Variants in CCAR2 observed in about 807,000 individuals in gnomAD.
CCAR2 encodes the protein cell cycle and apoptosis regulator 2.
In CCAR2, 21 loss-of-function variants were observed where a neutral mutation model predicts 108.1. The observed-to-expected ratio is 0.19, with a 90% CI of 0.14 to 0.28. The LOEUF (loss-of-function observed/expected upper bound fraction) is 0.28. Ranked by LOEUF, CCAR2 falls within the 10% of genes least tolerant of loss-of-function variation. The pLI, the probability that CCAR2 is intolerant of heterozygous loss-of-function variation, is 1.00. For missense variants in CCAR2, 1,126 were observed against 1,177.0 expected (o/e 0.96, Z 0.63); for synonymous variants, 577 against 472.8 (o/e 1.22, Z -2.86).
At position 22,619,733 on chromosome 8, in the gene CCAR2, A is replaced by G; in HGVS notation, c.*51A>G. Reference sequence around the variant, plus strand: ...GTGAGGGCAGCGGTGGCGCCCGGCAAAGTTGGAGCCCTTGCGGTACCAGAA... The same window carrying G: ...GTGAGGGCAGCGGTGGCGCCCGGCAGAGTTGGAGCCCTTGCGGTACCAGAA... On this transcript the variant is annotated 3_prime_UTR_variant, in exon 21 of 21. Coordinates refer to ENST00000308511, the MANE Select transcript of CCAR2 (RefSeq NM_001393997.1). 1 of 1,543,292 alleles carries G rather than the reference A, an allele frequency of 6.5e-7. No individual in the cohort carries two copies. The highest frequency in any genetic ancestry group is 2.4e-5 in the East Asian group (1 of 41,046).
chr8:22,615,109 A>G (rs1399487039), intron 11 of CCAR2, 108 bp downstream of exon 11: 13 of 1,363,252 alleles, frequency 9.5e-6, no homozygotes, highest in Non-Finnish European at 1.3e-5. Context: ...TCTGCCCCCT[A>G]GTCCCGTTCC....
At position 22,619,170 on chromosome 8, in the gene CCAR2, T is replaced by A; in HGVS notation, c.2542T>A (p.Ser848Thr). 1 of 1,600,540 alleles carries A rather than the reference T, an allele frequency of 6.2e-7. No homozygotes were observed. The highest frequency in any genetic ancestry group is 8.5e-7 in the Non-Finnish European group (1 of 1,173,914). The change falls in exon 20 of 21, where the codon TCA (serine) becomes ACA (threonine). Residue 848 changes from serine (S) to threonine (T), a missense_variant. Transcript: ENST00000308511. The part of the protein sequence containing the change: ...LKLEESHNRF[S>T]ATEVTNKTLA... ...TGCAGAGGAGAGCCATAACCGTTTC[T>A]CAGCCACTGAAGTAACCAATAAGAC...
At chr8:22,620,721 A>G (rs191915912), downstream of CCAR2, 1 of 152,350 alleles carries the variant, frequency 6.6e-6, no homozygotes, top group East Asian at 1.9e-4. Flanking sequence ...TGGACGTTTC[A>G]TTGAAAATTT....
chr8:22,613,876 A>G (rs775401149), intron 8 of CCAR2: 28 of 578,858 alleles, frequency 4.8e-5, no homozygotes, highest in Admixed American at 3.1e-4. Flanking sequence ...GTCATGTGTT[A>G]TAAGTGTTTT....
chr8:22,618,599 C>T lies in CCAR2; in HGVS notation c.2221-18C>T, dbSNP rs1801618137. Reference sequence around the variant, plus strand: ...GTCGGGGACGGGGCCTTCTGATCAGCAGATGTGTTTTCTGCAGGCCAAGCA... The same window carrying T: ...GTCGGGGACGGGGCCTTCTGATCAGTAGATGTGTTTTCTGCAGGCCAAGCA... On this transcript the variant is annotated intron_variant, in intron 17 of 20. Coordinates refer to ENST00000308511, the MANE Select transcript of CCAR2 (RefSeq NM_001393997.1). 1 of 1,613,840 alleles carries T rather than the reference C, an allele frequency of 6.2e-7. No individual in the cohort carries two copies. Among genetic ancestry groups the T allele is most frequent in the Admixed American group, 1.7e-5 (1 of 60,012 alleles).
At position 22,615,897 on chromosome 8, in the gene CCAR2, A is replaced by G; in HGVS notation, c.1593A>G (p.Glu531=). Residue 531 remains glutamate (E), a synonymous_variant, in exon 13 of 21, where the codon GAA becomes GAG. Coordinates refer to ENST00000308511, the MANE Select transcript of CCAR2 (RefSeq NM_001393997.1). ...HGIVEDRRPK[E]RISFEVMVLA... is the part of the protein sequence containing the mutation. ...TTGTGGAGGATCGGAGGCCAAAGGA[A>G]AGGATCTCTTTTGAGGCAGGTGTCA... 1 of 1,613,988 alleles carries G rather than the reference A, an allele frequency of 6.2e-7. No homozygotes were observed. The highest frequency in any genetic ancestry group is 8.5e-7 in the Non-Finnish European group (1 of 1,180,012).
At chr8:22,621,435 A>G (rs755457330), downstream of CCAR2, 3 of 1,613,466 alleles carry the variant, frequency 1.9e-6, no homozygotes, top group Non-Finnish European at 2.5e-6. Flanking sequence ...GTCATCGGCC[A>G]CAATGGAGAG....
rs538126990 is a variant in CCAR2 at position 22,619,262 on chromosome 8, G to A, written c.2634G>A (p.Ala878=). The A allele has an allele frequency of 4.2e-5, 66 of 1,564,844 alleles. No homozygotes were observed. The highest frequency in any genetic ancestry group is 1.7e-4 in the Middle Eastern group (1 of 5,976). The change falls in exon 20 of 21, where the codon GCG becomes GCA. Residue 878 remains alanine (A), a synonymous_variant. Transcript: ENST00000308511. The stretch of plus-strand genomic sequence containing the variant: ...AGGCCGAGGAGACCGCCCGGACGGC[G>A]GAGCGACAGAAGAGCCAGCTCCAGC... ...LAEAEETART[A]ERQKSQLQRL...
At chr8:22,621,223 TG>T, downstream of CCAR2, 2 of 653,574 alleles carry the variant, frequency 3.1e-6, no homozygotes, top group Non-Finnish European at 2.6e-6. Context: ...GCTTACCTGC[TG>T]GGGCTGTGAG....
At chr8:22,605,706 G>C in intron 1 of CCAR2, 30 bp from the exon 2 acceptor site, 2 of 1,330,462 alleles carry the variant, frequency 1.5e-6, no homozygotes, top group Non-Finnish European at 2.1e-6. Context: ...TCCCTTATAA[G>C]CTGTTAATTT....
At chr8:22,609,916 T>G (rs922525400) in intron 7 of CCAR2, among the ~76,000 whole-genome samples, 1 of 152,208 alleles carries the variant, frequency 6.6e-6, no homozygotes, top group Non-Finnish European at 1.5e-5. Context: ...CCTAAATCCT[T>G]AAACCCAAAG....
At chr8:22,607,811 A>G (rs1563906546) in intron 6 of CCAR2, among the ~76,000 whole-genome samples, 158 bp from the exon 7 acceptor site, 1 of 152,088 alleles carries the variant, frequency 6.6e-6, no homozygotes, top group Non-Finnish European at 1.5e-5. Flanking sequence ...TTTTTAGTGG[A>G]GACGGGGTTT....
In CCAR2 at chr8:22,614,340, A is replaced by G. The variant is rs771171748; in HGVS notation, c.927+26A>G. 7 of 1,613,814 alleles carry G rather than the reference A, an allele frequency of 4.3e-6. No homozygotes were observed. In the South Asian group the frequency reaches 7.7e-5, roughly 18 times the overall value. On this transcript the variant is annotated intron_variant, in intron 9 of 20. Coordinates refer to ENST00000308511, the MANE Select transcript of CCAR2 (RefSeq NM_001393997.1). The stretch of plus-strand genomic sequence containing the variant: ...GTAAGCTGACAGGCGTCTCTCACTT[A>G]TCTGATTTCTGGAGGCTGAAGGCAG...
In CCAR2 at chr8:22,614,519, C is replaced by A; in HGVS notation, c.1041+16C>A. 6.2e-7 allele frequency: 1 copy of A among 1,603,436 alleles called. No homozygotes were observed. The highest frequency in any genetic ancestry group is 8.5e-7 in the Non-Finnish European group (1 of 1,171,032). ...GCAGATTAAGGTAAGAGCTGGAGAG[C>A]AGGAGGAGATGCATTCACGGGTAAT... is the stretch of plus-strand genomic sequence containing the variant. On this transcript the variant is annotated intron_variant, in intron 10 of 20. Transcript: ENST00000308511.
intron 14 of CCAR2, 75 bp from the exon 15 acceptor site, chr8:22,617,345 G>A: frequency 6.7e-7 from 1 of 1,493,300 alleles, no homozygotes; most frequent in Non-Finnish European, 9.0e-7. Context: ...TGATACTCAG[G>A]TGTCAGCCAT....
Position 22,615,649 on chromosome 8 carries a change from A to T in CCAR2, c.1378-33A>T, listed in dbSNP as rs147963703. ...GGGATATAGGTGGCCTAATCCCGGG[A>T]CCCAGAGGGTCTCATTTCAGCTGTT... On this transcript the variant is annotated intron_variant, in intron 12 of 20. Coordinates refer to ENST00000308511, the MANE Select transcript of CCAR2 (RefSeq NM_001393997.1). The T allele has an allele frequency of 2.6e-4, 424 of 1,613,684 alleles. 2 individuals are homozygous for T. In the African/African-American group the frequency reaches 4.7e-3, roughly 18 times the overall value.
chr8:22,618,750 C>A, intron 18 of CCAR2, 22 bp downstream of exon 18: 7 of 1,613,528 alleles, frequency 4.3e-6, no homozygotes, highest in Non-Finnish European at 5.9e-6. Context: ...GGCCCTGCAG[C>A]CTTCCTGGGG....
intron 14 of CCAR2, chr8:22,616,481 C>A: frequency 1.8e-6 from 1 of 566,190 alleles, no homozygotes; most frequent in Non-Finnish European, 3.1e-6. Flanking sequence ...TCACTGAGAA[C>A]GCTTGGCAGA....
In CCAR2 at chr8:22,619,728, C is replaced by G; in HGVS notation, c.*46C>G. ...ATCCTGTGAGGGCAGCGGTGGCGCC[C>G]GGCAAAGTTGGAGCCCTTGCGGTAC... On this transcript the variant is annotated 3_prime_UTR_variant, in exon 21 of 21. Transcript: ENST00000308511. 15 of 1,548,066 alleles carry G rather than the reference C, an allele frequency of 9.7e-6. No homozygotes were observed. The highest frequency in any genetic ancestry group is 1.3e-5 in the Non-Finnish European group (15 of 1,145,560).
Sources: allele counts gnomAD v4.1 joint callset (sites outside exome capture counted in the v4.1 genomes callset), GRCh38; gene constraint gnomAD v4.1.1; transcripts MANE v1.5; gene names NCBI Gene and HGNC (gene_info 2026-07-23, HGNC 2026-07-21).